Variants in ITPR2 observed in about 807,000 individuals in gnomAD.
ITPR2 encodes inositol 1,4,5-trisphosphate receptor type 2.
In ITPR2, 207 loss-of-function variants were observed where a neutral mutation model predicts 317.1. The ratio of observed to expected loss-of-function variants is 0.65; its 90% CI spans 0.58 to 0.73. The LOEUF (loss-of-function observed/expected upper bound fraction) is 0.73, where lower values mean the gene tolerates loss of function less well. ITPR2 is among the 30% of genes least tolerant of loss of function. The pLI is 0.00. For synonymous variants in ITPR2, 1,156 were observed against 1,149.1 expected (o/e 1.01, Z -0.12); for missense variants, 2,613 against 3,284.0 (o/e 0.80, Z 4.99).
In ITPR2 at chr12:26,476,951, A is replaced by T; in HGVS notation, c.6180T>A (p.Asn2060Lys). 6.2e-7 allele frequency: 1 copy of T among 1,613,596 alleles called. No homozygotes were observed. Among genetic ancestry groups the T allele is most frequent in the Non-Finnish European group, 8.5e-7 (1 of 1,179,628 alleles). Reference sequence around the variant, plus strand: ...TCATGTTAAAAAGAATTCTTTCTGCATTCTCACTGTCATGTCTGCTTTCCA... The same window carrying T: ...TCATGTTAAAAAGAATTCTTTCTGCTTTCTCACTGTCATGTCTGCTTTCCA... ...AIMESRHDSE[N>K]AERILFNMRP... The change falls in exon 44 of 57, where the codon AAT (asparagine) becomes AAA (lysine). Residue 2060 changes from asparagine (N) to lysine (K), a missense_variant. Coordinates refer to ENST00000381340, the MANE Select transcript of ITPR2 (RefSeq NM_002223.4).
intron 55 of ITPR2, among the ~76,000 whole-genome samples, chr12:26,360,807 T>G (rs1047331809): frequency 1.3e-5 from 2 of 152,224 alleles, no homozygotes; most frequent in African/African-American, 4.8e-5. Flanking sequence ...TTAATGTAGT[T>G]TGATGACATC....
chr12:26,578,854 G>T, intron 33 of ITPR2, 21 bp from the exon 34 acceptor site: 1 of 1,586,672 alleles, frequency 6.3e-7, no homozygotes, highest in South Asian at 1.1e-5. Flanking sequence ...AAAGAAGGTA[G>T]GCAAAAAGAG....
chr12:26,450,498 C>T (rs138714433), intron 45 of ITPR2, among the ~76,000 whole-genome samples: 350 of 152,164 alleles, frequency 2.3e-3, no homozygotes, highest in African/African-American at 8.0e-3. Flanking sequence ...AATACTGATG[C>T]CAGAATTACT....
intron 45 of ITPR2, among the ~76,000 whole-genome samples, chr12:26,453,552 TG>T (rs1420098424): frequency 2.0e-5 from 3 of 152,244 alleles, no homozygotes; most frequent in African/African-American, 7.2e-5. Flanking sequence ...TAGGAGTTTT[TG>T]CTTTCGTTAT....
chr12:26,802,610 TATATATAGATATAGATATAGATATAC>T (rs1225541595), intron 1 of ITPR2, among the ~76,000 whole-genome samples: 2 of 14,022 alleles, frequency 1.4e-4, no homozygotes, highest in Non-Finnish European at 3.7e-4. Flanking sequence ...TAGATATAGA[TATATATAGATATAGATATAGATATAC>T]AGATAGATAT....
chr12:26,742,584 G>A (rs1329549326), intron 2 of ITPR2, among the ~76,000 whole-genome samples: 1 of 152,142 alleles, frequency 6.6e-6, no homozygotes, highest in Non-Finnish European at 1.5e-5. Context: ...GGAGGCTGAG[G>A]CAGATGGATC....
intron 1 of ITPR2, among the ~76,000 whole-genome samples, chr12:26,799,384 G>C (rs984728525): frequency 2.0e-4 from 31 of 152,004 alleles, no homozygotes; most frequent in Non-Finnish European, 4.4e-5. Context: ...TTAAAATATG[G>C]GTATCACATG....
At chr12:26,542,194 T>A (rs7137796) in intron 37 of ITPR2, among the ~76,000 whole-genome samples, 23,096 of 152,226 alleles carry the variant, frequency 0.15, 2,410 homozygotes, top group Non-Finnish European at 0.23. Context: ...GATCACAAGG[T>A]GGGTGTCAAG....
Position 26,567,986 on chromosome 12 carries a change from ATATATATATATTATATATATTATAT to A in ITPR2, c.4631-6059_4631-6035del, listed in dbSNP as rs1945038484. On this transcript the variant is annotated intron_variant, in intron 34 of 56. Transcript: ENST00000381340. ...TATATATATTATATATATTATATAT[ATATATATATATTATATATATTATAT>A]ATATATATATATATATATATAAAAT... 2.5e-4 allele frequency among the ~76,000 whole-genome samples: 4 copies of A among 16,094 alleles called. No homozygotes were observed. The South Asian group carries it at 6.3e-3, about 25-fold the overall frequency. The allele number at this position is 16,094 out of a possible 152,430, so 10.6% of individuals were successfully genotyped here.
At chr12:26,717,396 A>G (rs1948759397) in intron 5 of ITPR2, among the ~76,000 whole-genome samples, 1 of 152,226 alleles carries the variant, frequency 6.6e-6, no homozygotes, top group Non-Finnish European at 1.5e-5. Flanking sequence ...GTCACAAACT[A>G]TATCTGGCGA....
chr12:26,579,935 T>C (rs1945358433), intron 33 of ITPR2, 92 bp downstream of exon 33: 1 of 910,528 alleles, frequency 1.1e-6, no homozygotes, highest in South Asian at 1.7e-5. Context: ...ACATCTGAAG[T>C]GTAGGAGATG....
intron 55 of ITPR2, among the ~76,000 whole-genome samples, chr12:26,347,579 C>T (rs1938348253): frequency 6.6e-6 from 1 of 152,196 alleles, no homozygotes; most frequent in African/African-American, 2.4e-5. Context: ...GACCTCCACC[C>T]TGTTTGATTG....
intron 9 of ITPR2, among the ~76,000 whole-genome samples, chr12:26,700,435 C>T (rs1948423292): frequency 6.6e-6 from 1 of 152,242 alleles, no homozygotes; most frequent in African/African-American, 2.4e-5. Context: ...TTTAACCTTA[C>T]AATTATACTA....
chr12:26,739,595 A>C (rs1469559624), intron 2 of ITPR2, among the ~76,000 whole-genome samples: 1 of 152,356 alleles, frequency 6.6e-6, no homozygotes, highest in Non-Finnish European at 1.5e-5. Context: ...AATTCTAGAA[A>C]AGGCAAAACT....
At chr12:26,415,596 A>C (rs1231879445) in intron 50 of ITPR2, 98 bp from the exon 51 acceptor site, 1 of 821,274 alleles carries the variant, frequency 1.2e-6, no homozygotes, top group East Asian at 2.9e-5. Context: ...AAGCCATTCT[A>C]GTTTATATAT....
intron 2 of ITPR2, among the ~76,000 whole-genome samples, chr12:26,782,162 T>C (rs1191478516): frequency 1.3e-5 from 2 of 151,394 alleles, no homozygotes; most frequent in East Asian, 1.9e-4. Flanking sequence ...CAGAACTATA[T>C]TGTATTAGTT....
chr12:26,428,089 C>G lies in ITPR2; in HGVS notation c.6770-1G>C. 6.3e-7 allele frequency: 1 copy of G among 1,580,368 alleles called. No individual in the cohort carries two copies. Among genetic ancestry groups the G allele is most frequent in the South Asian group, 1.2e-5 (1 of 85,300 alleles). ...ACCGAGAACAATGGAGAAAGTGTACCTGTAAAATGTGGAAGAAATTTATTG... is the reference window on the plus strand; with the variant it reads ...ACCGAGAACAATGGAGAAAGTGTACGTGTAAAATGTGGAAGAAATTTATTG... On this transcript the variant is annotated splice_acceptor_variant, in intron 48 of 56. Coordinates refer to ENST00000381340, the MANE Select transcript of ITPR2 (RefSeq NM_002223.4). LOFTEE classifies it high-confidence loss of function.
chr12:26,490,769 C>T (rs1045003346), intron 39 of ITPR2, among the ~76,000 whole-genome samples: 5 of 152,188 alleles, frequency 3.3e-5, no homozygotes, highest in African/African-American at 7.2e-5. Context: ...GCCGCTATCG[C>T]GCCATTGCAC....
rs1304997587 is a variant in ITPR2 at position 26,481,198 on chromosome 12, A to G, written c.6056T>C (p.Ile2019Thr). ...THESNGIDII[I>T]ALILNDINPL... Reference sequence around the variant, plus strand: ...GTTTATGTCATTCAGAATCAAAGCAATGATGATATCAATCCCATTAGACTC... The same window carrying G: ...GTTTATGTCATTCAGAATCAAAGCAGTGATGATATCAATCCCATTAGACTC... The change falls in exon 43 of 57, where the codon ATT (isoleucine) becomes ACT (threonine). Residue 2019 changes from isoleucine to threonine, a missense_variant. Around this residue, in one of 9 missense-constraint regions of ITPR2, gnomAD observed 926 missense variants for 1,072.8 expected, o/e 0.86. Transcript: ENST00000381340. 6.2e-7 allele frequency: 1 copy of G among 1,613,498 alleles called. No individual in the cohort carries two copies. The highest frequency in any genetic ancestry group is 1.7e-5 in the Admixed American group (1 of 60,018).
Sources: allele counts gnomAD v4.1 joint callset (sites outside exome capture counted in the v4.1 genomes callset), GRCh38; gene constraint gnomAD v4.1.1; regional missense constraint gnomAD v4.1.1; transcripts MANE v1.5; gene names NCBI Gene and HGNC (gene_info 2026-07-23, HGNC 2026-07-21).